The following IQSEC1 variants were observed in gnomAD, a reference collection of about 807,000 sequenced individuals.
IQSEC1 encodes IQ motif and SEC7 domain-containing protein 1.
In IQSEC1, 31 loss-of-function variants were observed where a neutral mutation model predicts 91.0. The ratio of observed to expected loss-of-function variants is 0.34; its 90% CI spans 0.26 to 0.46. The LOEUF is 0.46. IQSEC1 is among the 20% of genes least tolerant of loss of function. IQSEC1 has a pLI of 1.00. For missense variants in IQSEC1, 1,388 were observed against 1,575.6 expected (o/e 0.88, Z 2.02); for synonymous variants, 699 against 662.6 (o/e 1.05, Z -0.84).
At chr3:13,038,825 G>C (rs763182000) in intron 1 of IQSEC1, among the ~76,000 whole-genome samples, 1 of 152,194 alleles carries the variant, frequency 6.6e-6, no homozygotes. Flanking sequence ...TCCATGAAGT[G>C]TGTATTTCAC....
Position 13,282,134 on chromosome 3 carries a change from G to C in IQSEC1, c.272+577C>G, listed in dbSNP as rs1249618371. Among the ~76,000 whole-genome samples the C allele has an allele frequency of 1.3e-5, 2 of 152,214 alleles. No homozygotes were observed. The highest frequency in any genetic ancestry group is 2.9e-5 in the Non-Finnish European group (2 of 68,032). On this transcript the variant is annotated intron_variant, in intron 1 of 15. Transcript: ENST00000648114. The surrounding 1 kb of genome is among the most constrained non-coding windows in gnomAD (Gnocchi z 6.4). ...AAATAGCCCCGGGTAATCCCAGGGC[G>C]AGGCAGTCGGGAATTAACCCCAGCC...
At chr3:12,905,195 T>C (rs1436392967) in intron 12 of IQSEC1, among the ~76,000 whole-genome samples, 1 of 152,238 alleles carries the variant, frequency 6.6e-6, no homozygotes, top group South Asian at 2.1e-4. Context: ...ACACACGTGC[T>C]GATCAGGCCA....
intron 2 of IQSEC1, among the ~76,000 whole-genome samples, chr3:13,078,979 G>A (rs1403304333): frequency 6.6e-6 from 1 of 152,186 alleles, no homozygotes; most frequent in Non-Finnish European, 1.5e-5. Context: ...TGCATTCCAC[G>A]TGCTAGTCAC....
Position 12,967,390 on chromosome 3 carries a change from C to T in IQSEC1, c.24-25525G>A. 1 of 1,535,042 alleles carries T rather than the reference C, an allele frequency of 6.5e-7. No homozygotes were observed. Among genetic ancestry groups the T allele is most frequent in the Non-Finnish European group, 8.7e-7 (1 of 1,144,544 alleles). ...TCGCCCCGCGCCGCGCCCTCACCCG[C>T]TGTCAAGCTCTAGCTCCAGAAGGGA... On this transcript the variant is annotated intron_variant, in intron 1 of 13. Transcript: ENST00000613206. The surrounding 1 kb of genome is among the most constrained non-coding windows in gnomAD (Gnocchi z 5.9).
At chr3:13,031,390 T>C (rs1372179435) in intron 1 of IQSEC1, among the ~76,000 whole-genome samples, 1 of 152,242 alleles carries the variant, frequency 6.6e-6, no homozygotes, top group East Asian at 1.9e-4. Context: ...ACTCGGCCTC[T>C]GCAGAACCTT....
intron 2 of IQSEC1, among the ~76,000 whole-genome samples, chr3:13,119,706 G>T (rs570778984): frequency 6.6e-6 from 1 of 152,264 alleles, no homozygotes; most frequent in Admixed American, 6.5e-5. Flanking sequence ...CTGGCTGCAC[G>T]TGGGAGCTTC....
chr3:12,933,022 T>TC (rs1559638752), intron 3 of IQSEC1, among the ~76,000 whole-genome samples: 1 of 151,974 alleles, frequency 6.6e-6, no homozygotes, highest in Admixed American at 6.5e-5. Flanking sequence ...AAAGGGGGCG[T>TC]CCCCCCAGAC....
At chr3:13,014,122 G>T (rs1272442460) in intron 1 of IQSEC1, among the ~76,000 whole-genome samples, 2 of 152,208 alleles carry the variant, frequency 1.3e-5, no homozygotes, top group Non-Finnish European at 2.9e-5. Context: ...TGGGCTCTGA[G>T]CTGTAACCCC....
At position 12,908,455 on chromosome 3, in the gene IQSEC1, C is replaced by G. The variant is rs760777591; in HGVS notation, c.2649G>C (p.Ser883=). 5.0e-6 allele frequency: 8 copies of G among 1,613,480 alleles called. No individual in the cohort carries two copies. The highest frequency in any genetic ancestry group is 4.5e-5 in the East Asian group (2 of 44,888). ...MSQCSSLKKE[S]GNGTLSRACL... ...AGGCCCGGCTCAGTGTTCCGTTGCC[C>G]GACTCCTTTTTGAGGCTAGAGCACT... is the stretch of plus-strand genomic sequence containing the variant. The change falls in exon 12 of 14, where the codon TCG becomes TCC. Residue 883 remains serine (S), a synonymous_variant. Transcript: ENST00000613206. This position sits in a 1 kb window ranked among gnomAD's most constrained non-coding sequence, Gnocchi z 4.9.
chr3:13,175,496 G>A (rs544426606), intron 1 of IQSEC1, among the ~76,000 whole-genome samples: 213 of 152,276 alleles, frequency 1.4e-3, no homozygotes, highest in African/African-American at 4.7e-3. Context: ...CCGGAAGCAC[G>A]CTGAGTCCCT....
chr3:13,124,994 C>G (rs568901409), intron 2 of IQSEC1, among the ~76,000 whole-genome samples: 1 of 152,316 alleles, frequency 6.6e-6, no homozygotes, highest in South Asian at 2.1e-4. Context: ...GGATCTCCAT[C>G]CTCCTTCTCC....
At chr3:13,187,772 G>A (rs1407195755) in intron 1 of IQSEC1, among the ~76,000 whole-genome samples, 1 of 152,206 alleles carries the variant, frequency 6.6e-6, no homozygotes, top group Non-Finnish European at 1.5e-5. Flanking sequence ...CTGGGGGCTG[G>A]GAAGTCCAAG....
At position 12,935,593 on chromosome 3, in the gene IQSEC1, A is replaced by T. The variant is rs1698095394; in HGVS notation, c.1423T>A (p.Ser475Thr). 7 of 1,614,108 alleles carry T rather than the reference A, an allele frequency of 4.3e-6. No individual in the cohort carries two copies. Among genetic ancestry groups the T allele is most frequent in the Non-Finnish European group, 5.9e-6 (7 of 1,180,040 alleles). ...SNDTINCSSE[S>T]SSRDSLREQT... ...TCCCGCAGGCTGTCACGGGACGATG[A>T]CTCGGAGCTGCAGTTGATGGTATCG... Residue 475 changes from serine to threonine, a missense_variant, in exon 3 of 14, where the codon TCA becomes ACA. By Grantham distance (58) the Ser-to-Thr change is moderately conservative (BLOSUM62 1). Transcript: ENST00000613206. This position sits in a 1 kb window ranked among gnomAD's most constrained non-coding sequence, Gnocchi z 8.0.
At chr3:13,244,462 C>A (rs140093843) in intron 1 of IQSEC1, among the ~76,000 whole-genome samples, 291 of 152,344 alleles carry the variant, frequency 1.9e-3, no homozygotes, top group African/African-American at 6.5e-3. Context: ...ACCTGCCATT[C>A]AAACGTAGGA....
In IQSEC1 at chr3:12,901,072, G is replaced by A. The variant is rs1020467310; in HGVS notation, c.3256C>T (p.His1086Tyr). 4 of 1,541,096 alleles carry A rather than the reference G, an allele frequency of 2.6e-6. No individual in the cohort carries two copies. The highest frequency in any genetic ancestry group is 3.5e-6 in the Non-Finnish European group (4 of 1,145,604). ...GGCTGCCCATGGTGGTGCACTGTGT[G>A]CCCCACGTGGGCCGAGGGCAGCGGC... The part of the protein sequence containing the change: ...HPPLPSAHVG[H>Y]TVHHHGQPPA... The change falls in exon 14 of 14, where the codon CAC (histidine) becomes TAC (tyrosine). Residue 1086 changes from histidine to tyrosine, a missense_variant. Physicochemically the swap from His to Tyr is moderately conservative, Grantham distance 83. This residue lies in a region of IQSEC1 where 329 missense variants were observed against 257.8 expected (regional missense o/e 1.28). Transcript: ENST00000613206.
intron 2 of IQSEC1, among the ~76,000 whole-genome samples, chr3:13,091,149 G>C (rs913301127): frequency 6.6e-6 from 1 of 152,112 alleles, no homozygotes; most frequent in African/African-American, 2.4e-5. Context: ...CTCTCTCAGG[G>C]AGGGCTCCTG....
intron 1 of IQSEC1, among the ~76,000 whole-genome samples, chr3:13,166,125 G>C (rs574804507): frequency 6.6e-6 from 1 of 152,328 alleles, no homozygotes; most frequent in African/African-American, 2.4e-5. Flanking sequence ...TCCAACTATG[G>C]ATTCAGCAGG....
At chr3:12,904,176 T>A (rs1456652992) in intron 12 of IQSEC1, among the ~76,000 whole-genome samples, 1 of 152,220 alleles carries the variant, frequency 6.6e-6, no homozygotes, top group African/African-American at 2.4e-5. Flanking sequence ...GCCATCTGAA[T>A]GTGCTGGGCT....
chr3:13,254,253 C>T (rs1279594588), intron 1 of IQSEC1, among the ~76,000 whole-genome samples: 2 of 152,244 alleles, frequency 1.3e-5, no homozygotes, highest in Admixed American at 1.3e-4. Flanking sequence ...ACCGAGCCCG[C>T]TCCCCATGGC....
Sources: allele counts gnomAD v4.1 joint callset (sites outside exome capture counted in the v4.1 genomes callset), GRCh38; gene constraint gnomAD v4.1.1; regional missense constraint gnomAD v4.1.1; non-coding constraint Gnocchi (gnomAD v3.1); transcripts MANE v1.5; gene names NCBI Gene and HGNC (gene_info 2026-07-23, HGNC 2026-07-21).